Variants in APBA2 observed in about 807,000 individuals in gnomAD.
APBA2 encodes amyloid-beta A4 precursor protein-binding family A member 2.
APBA2 carries 30 observed loss-of-function variants against 75.0 expected under a neutral mutation model. The observed-to-expected ratio is 0.40, with a 90% confidence interval of 0.30 to 0.54. The LOEUF (loss-of-function observed/expected upper bound fraction) is 0.54, where lower values mean the gene tolerates loss of function less well. APBA2 is among the 20% of genes least tolerant of loss of function. The pLI, the probability that APBA2 is intolerant of heterozygous loss-of-function variation, is 0.49. For synonymous variants in APBA2, 444 were observed against 409.6 expected, an observed-to-expected ratio of 1.08 and a Z score of -1.01; for missense variants, 801 against 1,016.1, an observed-to-expected ratio of 0.79 and a Z score of 2.88.
chr15:29,046,023 A>G lies in APBA2; in HGVS notation c.-40-7822A>G, dbSNP rs1207872422. Among the ~76,000 whole-genome samples, 1 of 152,194 alleles carries G rather than the reference A, an allele frequency of 6.6e-6. No homozygotes were observed. Among genetic ancestry groups the G allele is most frequent in the Non-Finnish European group, 1.5e-5 (1 of 68,038 alleles). ...TAAAGTAATTGGAGATTCTTTGACC[A>G]GACGTTTTGAGAGTCTGGCAGCCCG... On this transcript the variant is annotated intron_variant, in intron 3 of 14. Transcript: ENST00000683413. This position sits in a 1 kb window ranked among gnomAD's most constrained non-coding sequence, Gnocchi z 5.0.
chr15:29,012,349 T>G (rs752791458), intron 3 of APBA2, among the ~76,000 whole-genome samples: 2 of 152,198 alleles, frequency 1.3e-5, no homozygotes, highest in Admixed American at 6.5e-5. Context: ...ATCTTTAAAT[T>G]TGAGTGTGCT....
chr15:28,926,883 G>C (rs999179950), intron 2 of APBA2, among the ~76,000 whole-genome samples: 1 of 138,202 alleles, frequency 7.2e-6, no homozygotes, highest in Non-Finnish European at 1.5e-5. Flanking sequence ...TTGAGACAGA[G>C]TCTCGCTCTG....
At chr15:28,926,801 G>A (rs1698653847) in intron 2 of APBA2, among the ~76,000 whole-genome samples, 1 of 149,674 alleles carries the variant, frequency 6.7e-6, no homozygotes, top group South Asian at 2.1e-4. Context: ...AGAATGCTAG[G>A]TTGGTGGTTT....
At chr15:28,974,711 C>G (rs1359575835) in intron 2 of APBA2, among the ~76,000 whole-genome samples, 2 of 152,094 alleles carry the variant, frequency 1.3e-5, no homozygotes, top group Non-Finnish European at 2.9e-5. Context: ...AGGAAATACA[C>G]AAACCAAGTG....
chr15:28,981,865 T>C (rs577776849), intron 2 of APBA2, among the ~76,000 whole-genome samples: 2 of 152,344 alleles, frequency 1.3e-5, no homozygotes, highest in East Asian at 3.9e-4. Context: ...GCAACATAGA[T>C]GCAGCTGGAG....
chr15:29,062,146 C>G (rs944288731), intron 4 of APBA2, among the ~76,000 whole-genome samples: 1 of 152,130 alleles, frequency 6.6e-6, no homozygotes, highest in Admixed American at 6.5e-5. Context: ...CTCCAGCCCC[C>G]AGGCCTCAGT....
chr15:29,011,796 T>C (rs1053418297), intron 3 of APBA2, among the ~76,000 whole-genome samples: 1 of 152,236 alleles, frequency 6.6e-6, no homozygotes, highest in Non-Finnish European at 1.5e-5. Flanking sequence ...TGTCTTATTA[T>C]AGTCCTGTCA....
intron 9 of APBA2, among the ~76,000 whole-genome samples, chr15:29,100,286 A>G (rs76894316): frequency 0.027 from 4,160 of 152,296 alleles, 143 homozygotes; most frequent in African/African-American, 0.077. Context: ...CCCTCCCTGG[A>G]AGGTGACTCT....
chr15:29,072,695 C>T (rs2042678259), intron 4 of APBA2, among the ~76,000 whole-genome samples: 1 of 152,052 alleles, frequency 6.6e-6, no homozygotes, highest in Non-Finnish European at 1.5e-5. Flanking sequence ...CTTCGAAAAG[C>T]AGGGCAGTGT....
At chr15:28,947,279 T>A (rs1338744146) in intron 2 of APBA2, among the ~76,000 whole-genome samples, 2 of 152,186 alleles carry the variant, frequency 1.3e-5, no homozygotes, top group African/African-American at 4.8e-5. Flanking sequence ...AGTGGGCCTG[T>A]TGGAGCTGGC....
chr15:29,071,332 AAG>A (rs2042613963), intron 4 of APBA2, among the ~76,000 whole-genome samples: 1 of 152,010 alleles, frequency 6.6e-6, no homozygotes, highest in Non-Finnish European at 1.5e-5. Context: ...GTGTGCTGTG[AAG>A]AGTCTGTGCC....
intron 2 of APBA2, among the ~76,000 whole-genome samples, chr15:28,969,222 G>A (rs776404364): frequency 4.1e-5 from 6 of 145,032 alleles, no homozygotes; most frequent in Non-Finnish European, 9.1e-5. Context: ...CTCTCTGCCG[G>A]CCAGGCTGGA....
intron 2 of APBA2, among the ~76,000 whole-genome samples, chr15:28,985,695 C>T (rs1432933058): frequency 6.6e-6 from 1 of 152,186 alleles, no homozygotes; most frequent in Non-Finnish European, 1.5e-5. Context: ...AGCGGATCTT[C>T]GAGACTGGTA....
At chr15:28,981,616 A>T (rs2037626268) in intron 2 of APBA2, among the ~76,000 whole-genome samples, 1 of 150,702 alleles carries the variant, frequency 6.6e-6, no homozygotes, top group South Asian at 2.1e-4. Context: ...CAAAGGACTT[A>T]AAACAGAACT....
At chr15:28,983,827 G>T (rs1030610025) in intron 2 of APBA2, among the ~76,000 whole-genome samples, 3 of 152,212 alleles carry the variant, frequency 2.0e-5, no homozygotes, top group African/African-American at 7.2e-5. Flanking sequence ...CATGGGATCT[G>T]CGGGAAGGGT....
chr15:29,104,169 C>T (rs1274204174), intron 10 of APBA2, among the ~76,000 whole-genome samples: 1 of 152,220 alleles, frequency 6.6e-6, no homozygotes, highest in African/African-American at 2.4e-5. Context: ...GGAATTGAGG[C>T]CAAAGCCCTT....
chr15:28,898,007 G>T (rs906883483), intron 1 of APBA2, among the ~76,000 whole-genome samples: 1 of 152,212 alleles, frequency 6.6e-6, no homozygotes, highest in African/African-American at 2.4e-5. Flanking sequence ...GGCAGAGAGA[G>T]ATGTGACCAA....
chr15:29,094,775 T>C (rs2043766551), intron 8 of APBA2, among the ~76,000 whole-genome samples: 1 of 152,198 alleles, frequency 6.6e-6, no homozygotes, highest in Non-Finnish European at 1.5e-5. Flanking sequence ...AAATGAGTTT[T>C]TGGGCTGGGT....
chr15:29,073,690 T>G (rs561516237), intron 4 of APBA2, among the ~76,000 whole-genome samples: 11 of 152,214 alleles, frequency 7.2e-5, no homozygotes, highest in Non-Finnish European at 7.3e-5. Context: ...TTCCTTGCCA[T>G]CATCATATTG....
Sources: allele counts gnomAD v4.1 joint callset (sites outside exome capture counted in the v4.1 genomes callset), GRCh38; gene constraint gnomAD v4.1.1; non-coding constraint Gnocchi (gnomAD v3.1); transcripts MANE v1.5; gene names NCBI Gene and HGNC (gene_info 2026-07-23, HGNC 2026-07-21).